The following CLDN14 variants were observed in gnomAD, a reference collection of about 807,000 sequenced individuals.
CLDN14 encodes the protein claudin 14, also known as claudin-14.
CLDN14 carries 2 observed loss-of-function variants against 2.1 expected under a neutral mutation model. That is an observed-to-expected ratio of 0.96 (90% CI 0.39 to 3.01). The LOEUF (loss-of-function observed/expected upper bound fraction) is 3.01. CLDN14 is among the 30% of genes most tolerant of loss of function. The probability of loss-of-function intolerance (pLI) is 0.09; values close to 1 mark genes in which losing one functional copy is unlikely to be tolerated. For missense variants in CLDN14, 298 were observed against 328.0 expected, an observed-to-expected ratio of 0.91 and a Z score of 0.71; for synonymous variants, 136 against 154.4, an observed-to-expected ratio of 0.88 and a Z score of 0.88.
intron 1 of CLDN14, among the ~76,000 whole-genome samples, chr21:36,471,915 CT>C (rs1421386063): frequency 6.6e-6 from 1 of 152,028 alleles, no homozygotes; most frequent in African/African-American, 2.4e-5. Context: ...AGGTTTAAAA[CT>C]CATTCTCTGT....
At chr21:36,463,803 T>A (rs963569655) in intron 1 of CLDN14, among the ~76,000 whole-genome samples, 1 of 152,268 alleles carries the variant, frequency 6.6e-6, no homozygotes, top group Non-Finnish European at 1.5e-5. Flanking sequence ...AATTAATAAC[T>A]GATGCTTCCA....
chr21:36,471,905 A>G (rs1052970505), intron 1 of CLDN14, among the ~76,000 whole-genome samples: 1 of 152,274 alleles, frequency 6.6e-6, no homozygotes. Context: ...ATTAAACATG[A>G]GGTTTAAAAC....
chr21:36,513,988 A>C (rs773142158), intron 1 of CLDN14, among the ~76,000 whole-genome samples: 12 of 152,166 alleles, frequency 7.9e-5, no homozygotes, highest in Non-Finnish European at 1.8e-4. Flanking sequence ...TCACACCACC[A>C]TGCCTAGCTT....
intron 2 of CLDN14, among the ~76,000 whole-genome samples, chr21:36,500,719 A>G (rs550428857): frequency 1.3e-5 from 2 of 152,206 alleles, no homozygotes; most frequent in Non-Finnish European, 2.9e-5. Flanking sequence ...GGCGCACGTC[A>G]CCGTGCCCGG....
chr21:36,476,687 A>G (rs2086784087), intron 1 of CLDN14, among the ~76,000 whole-genome samples: 1 of 152,162 alleles, frequency 6.6e-6, no homozygotes. Context: ...TCCTGACCTC[A>G]TGATCCACCC....
rs546274812 is a variant in CLDN14, at chr21:36,499,699, G to A, written c.-82+10664C>T. On this transcript the variant is annotated intron_variant, in intron 2 of 2. Coordinates refer to the CLDN14 transcript ENST00000342108. This position sits in a 1 kb window ranked among gnomAD's most constrained non-coding sequence, Gnocchi z 4.7. ...TGTTGAGATTCACTGATTTAGACAC[G>A]CAGACAATAAATACTGATTCTTGGA... Among the ~76,000 whole-genome samples, 38 of 152,248 alleles carry A rather than the reference G, an allele frequency of 2.5e-4. No homozygotes were observed. The highest frequency in any genetic ancestry group is 7.0e-4 in the African/African-American group (29 of 41,536).
intron 1 of CLDN14, among the ~76,000 whole-genome samples, chr21:36,555,294 G>GAAAACACA (rs66537412): frequency 0.75 from 112,871 of 151,378 alleles, 43,618 homozygotes; most frequent in Non-Finnish European, 0.87. Context: ...GAAATCCCTG[G>GAAAACACA]AAAACACAAG....
chr21:36,561,847 T>C (rs943773226), intron 1 of CLDN14, among the ~76,000 whole-genome samples: 1 of 152,132 alleles, frequency 6.6e-6, no homozygotes, highest in African/African-American at 2.4e-5. Flanking sequence ...CCCTCCTTTT[T>C]TTCTGGATAC....
Position 36,461,203 on chromosome 21 carries a change from A to T in CLDN14, c.493T>A (p.Tyr165Asn), listed in dbSNP as rs1028712025. ...AGGGACGAGGAGATGAAGCCCAGGT[A>T]CAGGGCCTGGCCAATCTCAAACTTC... The part of the protein sequence containing the change: ...GMKFEIGQAL[Y>N]LGFISSSLSL... Residue 165 changes from tyrosine (Y) to asparagine (N), a missense_variant, in exon 2 of 2, where the codon TAC becomes AAC. By Grantham distance (143) the Tyr-to-Asn change is moderately radical (BLOSUM62 -2). Transcript: ENST00000399135. 1.9e-6 allele frequency: 3 copies of T among 1,614,002 alleles called. No homozygotes were observed. Among genetic ancestry groups the T allele is most frequent in the African/African-American group, 2.7e-5 (2 of 74,952 alleles).
chr21:36,531,070 A>C, intron 1 of CLDN14, among the ~76,000 whole-genome samples: 1 of 151,860 alleles, frequency 6.6e-6, no homozygotes, highest in East Asian at 2.0e-4. Flanking sequence ...GTCTCTACTA[A>C]AAAATACAAA....
rs950642235 is a variant in CLDN14 at position 36,544,297 on chromosome 21, G to A, written c.-220+32114C>T. Among the ~76,000 whole-genome samples, 1 of 152,216 alleles carries A rather than the reference G, an allele frequency of 6.6e-6. No individual in the cohort carries two copies. The highest frequency in any genetic ancestry group is 1.5e-5 in the Non-Finnish European group (1 of 68,038). On this transcript the variant is annotated intron_variant, in intron 1 of 2. Transcript: ENST00000342108. The surrounding 1 kb of genome is among the most constrained non-coding windows in gnomAD (Gnocchi z 4.1). ...ACAATGGCCTTTTCTTGGCTGAGGAGTGCCAGGGAACCAAGCCTCTCAGTA... is the reference window on the plus strand; with the variant it reads ...ACAATGGCCTTTTCTTGGCTGAGGAATGCCAGGGAACCAAGCCTCTCAGTA...
chr21:36,486,172 G>A (rs1158128744), intron 2 of CLDN14: 2 of 1,148,356 alleles, frequency 1.7e-6, no homozygotes, highest in South Asian at 1.2e-5. Context: ...GCTGGCAAGT[G>A]TCCATGGCTG....
At chr21:36,490,990 C>CT (rs1169778868) in intron 2 of CLDN14, among the ~76,000 whole-genome samples, 1 of 143,704 alleles carries the variant, frequency 7.0e-6, no homozygotes, top group African/African-American at 2.7e-5. Context: ...ACACACACAC[C>CT]CCTGGACACA....
intron 1 of CLDN14, among the ~76,000 whole-genome samples, chr21:36,467,177 C>A (rs2086657108): frequency 6.6e-6 from 1 of 152,156 alleles, no homozygotes; most frequent in Non-Finnish European, 1.5e-5. Flanking sequence ...TATGTTGTCT[C>A]CCTCTGTTTT....
intron 1 of CLDN14, among the ~76,000 whole-genome samples, chr21:36,565,204 C>A (rs116044679): frequency 0.015 from 2,353 of 152,274 alleles, 66 homozygotes; most frequent in African/African-American, 0.053. Flanking sequence ...AGGTTGAGAA[C>A]AGAGGTTGGC....
intron 1 of CLDN14, among the ~76,000 whole-genome samples, chr21:36,513,925 G>A (rs920210196): frequency 1.3e-5 from 2 of 152,124 alleles, no homozygotes; most frequent in Admixed American, 1.3e-4. Context: ...TTGACCTCCC[G>A]GGCTCAAGCA....
chr21:36,486,142 A>G, intron 2 of CLDN14: 1 of 1,283,738 alleles, frequency 7.8e-7, no homozygotes, highest in Non-Finnish European at 1.1e-6. Context: ...TCACGTCGTA[A>G]TCATCCTCCT....
intron 1 of CLDN14, among the ~76,000 whole-genome samples, chr21:36,479,225 G>T (rs1216173865): frequency 6.6e-6 from 1 of 152,134 alleles, no homozygotes; most frequent in Non-Finnish European, 1.5e-5. Flanking sequence ...AAAGAGTTCT[G>T]CCCAAACACT....
chr21:36,527,799 T>G (rs1283662170), intron 1 of CLDN14, among the ~76,000 whole-genome samples: 1 of 152,142 alleles, frequency 6.6e-6, no homozygotes, highest in African/African-American at 2.4e-5. Flanking sequence ...TCTTTCTTTT[T>G]TTTTTCTTGT....
Sources: allele counts gnomAD v4.1 joint callset (sites outside exome capture counted in the v4.1 genomes callset), GRCh38; gene constraint gnomAD v4.1.1; non-coding constraint Gnocchi (gnomAD v3.1); transcripts MANE v1.5; gene names NCBI Gene and HGNC (gene_info 2026-07-23, HGNC 2026-07-21).